The following SLC24A1 variants were observed in gnomAD, a reference collection of about 807,000 sequenced individuals.
SLC24A1 encodes solute carrier family 24 member 1, also known as sodium/potassium/calcium exchanger 1.
Under a neutral mutation model 88.1 loss-of-function variants are expected in SLC24A1, and 52 were observed. The ratio of observed to expected loss-of-function variants is 0.59; its 90% CI spans 0.47 to 0.74. The LOEUF (loss-of-function observed/expected upper bound fraction) is 0.74, where lower values mean the gene tolerates loss of function less well. SLC24A1 is among the 30% of genes least tolerant of loss of function. The probability of loss-of-function intolerance (pLI) is 0.00; values close to 1 mark genes in which losing one functional copy is unlikely to be tolerated. For synonymous variants in SLC24A1, 455 were observed against 498.0 expected (o/e 0.91, Z 1.15); for missense variants, 1,173 against 1,363.3 (o/e 0.86, Z 2.20).
intron 6 of SLC24A1, among the ~76,000 whole-genome samples, chr15:65,647,421 T>C (rs1387545712): frequency 7.3e-6 from 1 of 136,076 alleles, no homozygotes; most frequent in Non-Finnish European, 1.5e-5. Context: ...GAGACTGCAG[T>C]GAGCAGAAGT....
At position 65,624,943 on chromosome 15, in the gene SLC24A1, A is replaced by G. The variant is rs901728428; in HGVS notation, c.863A>G (p.Glu288Gly). ...KNNLFPPRRVESNSSAHPWGL... is the reference protein window; with the variant it reads ...KNNLFPPRRVGSNSSAHPWGL... ...AACCTGTTTCCCCCCAGAAGAGTGG[A>G]AAGTAACAGCTCAGCCCATCCCTGG... is the stretch of plus-strand genomic sequence containing the variant. The change falls in exon 2 of 10, where the codon GAA (glutamate) becomes GGA (glycine). Residue 288 changes from glutamate (E) to glycine (G), a missense_variant. Transcript: ENST00000261892. 1.2e-6 allele frequency: 2 copies of G among 1,611,856 alleles called. No individual in the cohort carries two copies. Among genetic ancestry groups the G allele is most frequent in the African/African-American group, 2.7e-5 (2 of 74,774 alleles).
intron 6 of SLC24A1, among the ~76,000 whole-genome samples, chr15:65,648,790 G>A (rs990499408): frequency 2.6e-5 from 4 of 151,872 alleles, no homozygotes; most frequent in African/African-American, 9.7e-5. Context: ...GTGAGCCACC[G>A]TGCCCAGCCT....
intron 6 of SLC24A1, among the ~76,000 whole-genome samples, chr15:65,646,377 G>A (rs146791790): frequency 6.6e-6 from 1 of 151,992 alleles, no homozygotes; most frequent in African/African-American, 2.4e-5. Flanking sequence ...ACGCCCGGCC[G>A]TCTCCATGTT....
Position 65,650,596 on chromosome 15 carries a change from C to T in SLC24A1, c.2447C>T (p.Ala816Val), listed in dbSNP as rs1336778022. Residue 816 changes from alanine to valine, a missense_variant, in exon 7 of 10, where the codon GCA (alanine) becomes GTA (valine). Ala to Val is a moderately conservative substitution (Grantham distance 64). Transcript: ENST00000261892. The surrounding 1 kb of genome is among the most constrained non-coding windows in gnomAD (Gnocchi z 4.1). Reference protein sequence around the residue: ...NEGEDEGEIHAEDGEMKGNEG... With the variant: ...NEGEDEGEIHVEDGEMKGNEG... Reference sequence around the variant, plus strand: ...GGTGAAGATGAGGGTGAAATCCACGCAGAAGATGGTGAAATGAAAGGTAAT... The same window carrying T: ...GGTGAAGATGAGGGTGAAATCCACGTAGAAGATGGTGAAATGAAAGGTAAT... 1.3e-6 allele frequency: 2 copies of T among 1,551,628 alleles called. No individual in the cohort carries two copies. Among genetic ancestry groups the T allele is most frequent in the Admixed American group, 2.0e-5 (1 of 50,960 alleles).
At position 65,624,571 on chromosome 15, in the gene SLC24A1, A is replaced by G. The variant is rs2074434990; in HGVS notation, c.491A>G (p.Lys164Arg). ...YTSTSSRQIVKKYTPTPRGEM... is the reference protein window; with the variant it reads ...YTSTSSRQIVRKYTPTPRGEM... ...TCAACTTCAAGCAGACAAATAGTAA[A>G]AAAGTATACCCCAACACCCAGGGGA... The change falls in exon 2 of 10, where the codon AAA becomes AGA. Residue 164 changes from lysine to arginine, a missense_variant. Lys to Arg is a conservative substitution (Grantham distance 26, BLOSUM62 2). Transcript: ENST00000261892. 6.3e-7 allele frequency: 1 copy of G among 1,595,458 alleles called. No homozygotes were observed. Among genetic ancestry groups the G allele is most frequent in the South Asian group, 1.1e-5 (1 of 88,512 alleles).
chr15:65,620,460 A>G (rs1370867312), upstream of SLC24A1, among the ~76,000 whole-genome samples: 1 of 152,230 alleles, frequency 6.6e-6, no homozygotes, highest in Non-Finnish European at 1.5e-5. Context: ...CTCATTTTAC[A>G]GGATGAGAGG....
At chr15:65,660,055 C>T (rs138437035), downstream of SLC24A1, 10 of 458,790 alleles carry the variant, frequency 2.2e-5, no homozygotes, top group Non-Finnish European at 3.1e-5. Context: ...AAGCCTCCCC[C>T]CTCTGAAATG....
At position 65,624,319 on chromosome 15, in the gene SLC24A1, C is replaced by T. The variant is rs2141457565; in HGVS notation, c.239C>T (p.Ser80Leu). Residue 80 changes from serine (S) to leucine (L), a missense_variant, in exon 2 of 10, where the codon TCA (serine) becomes TTA (leucine). By Grantham distance (145) the Ser-to-Leu change is moderately radical. Coordinates refer to ENST00000261892, the MANE Select transcript of SLC24A1 (RefSeq NM_004727.3). ...EEMMMMSSSP[S>L]KPSSEMGGKM... The stretch of plus-strand genomic sequence containing the variant: ...ATGATGATGATGAGCAGCAGCCCTT[C>T]AAAACCTAGCTCCGAAATGGGGGGT... The T allele has an allele frequency of 6.2e-7, 1 of 1,613,748 alleles. No individual in the cohort carries two copies. Among genetic ancestry groups the T allele is most frequent in the South Asian group, 1.1e-5 (1 of 91,026 alleles).
chr15:65,633,375 C>A (rs965176122), intron 2 of SLC24A1, among the ~76,000 whole-genome samples: 2 of 152,130 alleles, frequency 1.3e-5, no homozygotes, highest in African/African-American at 4.8e-5. Context: ...AAATTAATTT[C>A]ACAGCAGGGC....
At chr15:65,617,860 T>A (rs2074199636), upstream of SLC24A1, among the ~76,000 whole-genome samples, 1 of 152,156 alleles carries the variant, frequency 6.6e-6, no homozygotes, top group Admixed American at 6.6e-5. Flanking sequence ...TGATATTGGC[T>A]GTGGGTTTGT....
At chr15:65,638,579 A>G (rs1045401522) in intron 3 of SLC24A1, among the ~76,000 whole-genome samples, 1 of 152,244 alleles carries the variant, frequency 6.6e-6, no homozygotes, top group African/African-American at 2.4e-5. Context: ...CCCAGAACTA[A>G]GAGAAAGATA....
intron 2 of SLC24A1, among the ~76,000 whole-genome samples, chr15:65,635,577 T>C (rs1435105347): frequency 6.6e-5 from 10 of 151,700 alleles, no homozygotes. Context: ...AGTAAACTTA[T>C]AGGTGTGTCA....
chr15:65,644,786 C>T (rs184548618), intron 5 of SLC24A1, among the ~76,000 whole-genome samples: 24 of 152,214 alleles, frequency 1.6e-4, no homozygotes, highest in Non-Finnish European at 3.5e-4. Context: ...CTGGGGTAGG[C>T]GAGGGAAGGC....
At chr15:65,640,718 G>C (rs1203185808) in intron 4 of SLC24A1, among the ~76,000 whole-genome samples, 2 of 152,000 alleles carry the variant, frequency 1.3e-5, no homozygotes, top group Non-Finnish European at 2.9e-5. Flanking sequence ...TTTTCTTTAG[G>C]CTCTGAAGTC....
chr15:65,640,617 C>T (rs912150958), intron 4 of SLC24A1, among the ~76,000 whole-genome samples: 1 of 152,214 alleles, frequency 6.6e-6, no homozygotes, highest in Non-Finnish European at 1.5e-5. Flanking sequence ...GAGGGCTGAG[C>T]TGAATATGAC....
chr15:65,626,064 C>T (rs2141475739), intron 2 of SLC24A1, 94 bp downstream of exon 2: 2 of 882,310 alleles, frequency 2.3e-6, no homozygotes, highest in East Asian at 2.4e-5. Flanking sequence ...GATCAGACCT[C>T]AAGAGATGAA....
At position 65,645,691 on chromosome 15, in the gene SLC24A1, T is replaced by G. The variant is rs1281574418; in HGVS notation, c.2220T>G (p.Asn740Lys). Residue 740 changes from asparagine (N) to lysine (K), a missense_variant, in exon 6 of 10, where the codon AAT becomes AAG. Transcript: ENST00000261892. ...VPDIKGDQKE[N>K]PGGQEDVAEA... ...ACATCAAGGGAGATCAGAAGGAGAATCCAGGCGGTCAGGTAGGCACCCAGC... is the reference window on the plus strand; with the variant it reads ...ACATCAAGGGAGATCAGAAGGAGAAGCCAGGCGGTCAGGTAGGCACCCAGC... 1 of 1,572,520 alleles carries G rather than the reference T, an allele frequency of 6.4e-7. No homozygotes were observed. Among genetic ancestry groups the G allele is most frequent in the East Asian group, 2.4e-5 (1 of 42,472 alleles).
intron 6 of SLC24A1, among the ~76,000 whole-genome samples, chr15:65,648,671 T>A (rs1351053688): frequency 1.3e-5 from 2 of 151,232 alleles, no homozygotes; most frequent in African/African-American, 2.4e-5. Context: ...TTTATTTATT[T>A]ATTTTTTTTA....
rs553602323 is a variant in SLC24A1, at chr15:65,613,686, A to G, written c.-228+1073A>G. Among the ~76,000 whole-genome samples, 21 of 152,006 alleles carry G rather than the reference A, an allele frequency of 1.4e-4. 1 individual carries two copies. Among genetic ancestry groups the G allele is most frequent in the African/African-American group, 4.8e-4 (20 of 41,450 alleles). On this transcript the variant is annotated intron_variant, in intron 2 of 11. Coordinates refer to the SLC24A1 transcript ENST00000537259. ...TTTTTGTAGAGATGGGGGTCTCACT[A>G]TGTTGCCCAGAGTGGTCTTGAACTC...
Sources: allele counts gnomAD v4.1 joint callset (sites outside exome capture counted in the v4.1 genomes callset), GRCh38; gene constraint gnomAD v4.1.1; non-coding constraint Gnocchi (gnomAD v3.1); transcripts MANE v1.5; gene names NCBI Gene and HGNC (gene_info 2026-07-23, HGNC 2026-07-21).